KHDRBS2: variants seen among roughly 807,000 people sequenced by gnomAD.
KHDRBS2 encodes the protein KH RNA binding domain containing, signal transduction associated 2.
KHDRBS2 carries 26 observed loss-of-function variants against 44.3 expected under a neutral mutation model. The ratio of observed to expected loss-of-function variants is 0.59; its 90% CI spans 0.43 to 0.81. The LOEUF is 0.81. Among genes scored for constraint, KHDRBS2 ranks in the 40% least tolerant of loss-of-function variants. The pLI, the probability that KHDRBS2 is intolerant of heterozygous loss-of-function variation, is 0.00. For missense variants in KHDRBS2, 476 were observed against 433.1 expected, an observed-to-expected ratio of 1.10 and a Z score of -0.88; for synonymous variants, 194 against 151.1, an observed-to-expected ratio of 1.28 and a Z score of -2.08.
intron 4 of KHDRBS2, among the ~76,000 whole-genome samples, chr6:61,968,069 G>A (rs1343834574): frequency 6.6e-6 from 1 of 151,518 alleles, no homozygotes; most frequent in Non-Finnish European, 1.5e-5. Flanking sequence ...ACTCAGAGAA[G>A]AGGATCTTTA....
At chr6:62,199,914 C>T (rs553657128) in intron 1 of KHDRBS2, among the ~76,000 whole-genome samples, 5 of 152,174 alleles carry the variant, frequency 3.3e-5, no homozygotes, top group South Asian at 4.1e-4. Flanking sequence ...AGAACAGAGC[C>T]CTCAGAAATA....
chr6:62,241,836 T>TTA (rs1442110748), intron 1 of KHDRBS2, among the ~76,000 whole-genome samples: 3 of 150,948 alleles, frequency 2.0e-5, no homozygotes, highest in African/African-American at 7.4e-5. Flanking sequence ...CAAATAGGTA[T>TTA]TATATATATG....
At chr6:62,209,237 G>T (rs879832360) in intron 1 of KHDRBS2, among the ~76,000 whole-genome samples, 1 of 152,116 alleles carries the variant, frequency 6.6e-6, no homozygotes. Context: ...AGGAAAAATA[G>T]AAACATACTT....
At chr6:61,793,839 C>T (rs571684917) in intron 6 of KHDRBS2, among the ~76,000 whole-genome samples, 36 of 151,994 alleles carry the variant, frequency 2.4e-4, no homozygotes, top group Middle Eastern at 3.4e-3. Context: ...CAGATGCTAC[C>T]TCATAAAAAA....
intron 1 of KHDRBS2, among the ~76,000 whole-genome samples, chr6:62,259,614 A>G (rs1349460811): frequency 6.6e-6 from 1 of 151,992 alleles, no homozygotes; most frequent in East Asian, 1.9e-4. Flanking sequence ...TGAAATAAAA[A>G]TCATATGACA....
intron 6 of KHDRBS2, among the ~76,000 whole-genome samples, chr6:61,763,591 G>T (rs137971162): frequency 6.6e-6 from 1 of 152,074 alleles, no homozygotes; most frequent in Non-Finnish European, 1.5e-5. Flanking sequence ...TTGAAAATGG[G>T]CAAGTGTCCA....
At chr6:62,116,445 C>G (rs1349972742) in intron 2 of KHDRBS2, among the ~76,000 whole-genome samples, 3 of 151,936 alleles carry the variant, frequency 2.0e-5, no homozygotes, top group South Asian at 4.2e-4. Context: ...TCTTTTTGTG[C>G]CTGGCATATT....
At chr6:62,175,883 A>T (rs1022931723) in intron 2 of KHDRBS2, among the ~76,000 whole-genome samples, 1 of 151,466 alleles carries the variant, frequency 6.6e-6, no homozygotes, top group Non-Finnish European at 1.5e-5. Flanking sequence ...TTGCCAGCTT[A>T]ATTTGATCAG....
chr6:61,688,805 C>T (rs185509639), intron 8 of KHDRBS2, among the ~76,000 whole-genome samples: 1 of 151,930 alleles, frequency 6.6e-6, no homozygotes, highest in Non-Finnish European at 1.5e-5. Context: ...TGTGAAAGAT[C>T]TTAGTTAGTC....
At chr6:61,869,001 G>T (rs944387408) in intron 6 of KHDRBS2, among the ~76,000 whole-genome samples, 1 of 152,162 alleles carries the variant, frequency 6.6e-6, no homozygotes, top group East Asian at 1.9e-4. Flanking sequence ...CCTGATCCGA[G>T]GGTTGCAAGG....
intron 4 of KHDRBS2, among the ~76,000 whole-genome samples, chr6:61,947,270 C>G (rs1237878999): frequency 6.6e-6 from 1 of 152,080 alleles, no homozygotes; most frequent in Non-Finnish European, 1.5e-5. Context: ...CAACAGAACA[C>G]AACAGTCTCT....
chr6:62,236,713 A>C (rs530670363), intron 1 of KHDRBS2, among the ~76,000 whole-genome samples: 1 of 152,266 alleles, frequency 6.6e-6, no homozygotes, highest in East Asian at 1.9e-4. Flanking sequence ...AAAAAAGCAA[A>C]TACATGTAAA....
At chr6:61,848,563 G>GTATATATATACA (rs1562295318) in intron 6 of KHDRBS2, among the ~76,000 whole-genome samples, 249 of 21,982 alleles carry the variant, frequency 0.011, 27 homozygotes, top group Non-Finnish European at 0.015. Flanking sequence ...ATATATATAT[G>GTATATATATACA]TATATATATA....
intron 4 of KHDRBS2, among the ~76,000 whole-genome samples, chr6:61,960,503 G>A (rs1271316910): frequency 3.3e-5 from 5 of 151,944 alleles, no homozygotes; most frequent in Non-Finnish European, 5.9e-5. Flanking sequence ...GCAATAATGT[G>A]GTGAAATAAA....
intron 2 of KHDRBS2, among the ~76,000 whole-genome samples, chr6:62,170,551 T>C (rs1436118594): frequency 2.6e-5 from 4 of 152,102 alleles, no homozygotes; most frequent in Non-Finnish European, 5.9e-5. Context: ...TGCCACCTAC[T>C]GGACTGTGGC....
intron 6 of KHDRBS2, among the ~76,000 whole-genome samples, chr6:61,891,931 T>C (rs1476015507): frequency 3.3e-5 from 5 of 152,108 alleles, no homozygotes; most frequent in African/African-American, 4.8e-5. Flanking sequence ...AAATAAAGGG[T>C]ATTCAATCAT....
chr6:62,279,062 C>G (rs1841422921), intron 1 of KHDRBS2, among the ~76,000 whole-genome samples: 1 of 151,950 alleles, frequency 6.6e-6, no homozygotes, highest in Non-Finnish European at 1.5e-5. Context: ...CCACTGCACT[C>G]CAGCCTGGGT....
chr6:62,079,015 T>C, intron 2 of KHDRBS2, among the ~76,000 whole-genome samples: 1 of 151,980 alleles, frequency 6.6e-6, no homozygotes, highest in Non-Finnish European at 1.5e-5. Context: ...CTTGCAAAGG[T>C]ATGATAATCA....
intron 2 of KHDRBS2, among the ~76,000 whole-genome samples, chr6:62,065,062 G>A (rs1368990256): frequency 1.3e-5 from 2 of 152,134 alleles, no homozygotes; most frequent in African/African-American, 2.4e-5. Flanking sequence ...TCAGAGAAAC[G>A]CAAATCAAAA....
Sources: gnomAD v4.1 joint callset for allele counts (sites outside exome capture counted in the v4.1 genomes callset) on GRCh38, gnomAD v4.1.1 for gene constraint, MANE v1.5 for transcripts, NCBI Gene and HGNC (gene_info 2026-07-23, HGNC 2026-07-21) for gene names.